The following KCNQ1 variants were observed in gnomAD, a reference collection of about 807,000 sequenced individuals.
KCNQ1 encodes the protein potassium voltage-gated channel subfamily KQT member 1.
Under a neutral mutation model 72.4 loss-of-function variants are expected in KCNQ1, and 49 were observed. The observed-to-expected ratio is 0.68, with a 90% confidence interval of 0.54 to 0.86. The LOEUF (loss-of-function observed/expected upper bound fraction) is 0.86. KCNQ1 is among the 40% of genes least tolerant of loss of function. The probability of loss-of-function intolerance (pLI) is 0.00; values close to 1 mark genes in which losing one functional copy is unlikely to be tolerated. For missense variants in KCNQ1, 790 were observed against 945.1 expected (o/e 0.84, Z 2.15); for synonymous variants, 450 against 412.6 (o/e 1.09, Z -1.10).
rs1848980964 is a variant in KCNQ1, at chr11:2,611,625, T to C, written c.1393+22771T>C. 5.0e-6 allele frequency: 2 copies of C among 398,530 alleles called. No individual in the cohort carries two copies. Among genetic ancestry groups the C allele is most frequent in the African/African-American group, 2.1e-5 (1 of 48,656 alleles). The allele number at this position is 398,530 out of a possible 1,614,324, so 24.7% of individuals were successfully genotyped here. On this transcript the variant is annotated intron_variant, in intron 10 of 15. Coordinates refer to ENST00000155840, the MANE Select transcript of KCNQ1 (RefSeq NM_000218.3). The surrounding 1 kb of genome is among the most constrained non-coding windows in gnomAD (Gnocchi z 5.3). ...CTTTGAATCTAGAATGTGACTCTTATAGACCATATATATTTGGATCCTGCT... is the reference window on the plus strand; with the variant it reads ...CTTTGAATCTAGAATGTGACTCTTACAGACCATATATATTTGGATCCTGCT...
chr11:2,667,271 G>A (rs1232477500), intron 11 of KCNQ1: 1 of 398,506 alleles, frequency 2.5e-6, no homozygotes, highest in Non-Finnish European at 4.4e-6. Context: ...GGCTGGCCTA[G>A]GGCTGCTGCT....
chr11:2,581,407 GC>G (rs1848496254), intron 6 of KCNQ1, among the ~76,000 whole-genome samples: 1 of 152,228 alleles, frequency 6.6e-6, no homozygotes, highest in Non-Finnish European at 1.5e-5. Context: ...GTGCACCTGG[GC>G]CCTCTGGGGA....
At chr11:2,751,994 G>A (rs1256138690) in intron 11 of KCNQ1, among the ~76,000 whole-genome samples, 1 of 152,248 alleles carries the variant, frequency 6.6e-6, no homozygotes, top group Non-Finnish European at 1.5e-5. Context: ...CTCGGTTGCC[G>A]CTGCCACCTT....
intron 11 of KCNQ1, chr11:2,667,461 A>C (rs1051865476): frequency 2.5e-6 from 1 of 398,584 alleles, no homozygotes; most frequent in East Asian, 3.6e-5. Flanking sequence ...AGCCAAGCAG[A>C]TGGTGTTGGA....
At chr11:2,649,638 C>T (rs1425845207) in intron 10 of KCNQ1, 5 of 398,466 alleles carry the variant, frequency 1.3e-5, no homozygotes, top group Non-Finnish European at 2.2e-5. Flanking sequence ...TCAATTCTTT[C>T]CTGGCCTAGA....
rs539398869 is a variant in KCNQ1 at position 2,848,809 on chromosome 11, C to T, written c.*806C>T. Reference sequence around the variant, plus strand: ...ACACAGAAGGGGACTGCCACCTCCCCTTGCCAGCTGCTGAGCCGCAGAGAA... The same window carrying T: ...ACACAGAAGGGGACTGCCACCTCCCTTTGCCAGCTGCTGAGCCGCAGAGAA... On this transcript the variant is annotated 3_prime_UTR_variant, in exon 16 of 16. Coordinates refer to ENST00000155840, the MANE Select transcript of KCNQ1 (RefSeq NM_000218.3). 559 of 454,178 alleles carry T rather than the reference C, an allele frequency of 1.2e-3. 9 individuals are homozygous for T. The highest frequency in any genetic ancestry group is 8.5e-3 in the South Asian group (546 of 64,480). 28.1% of individuals were successfully genotyped at this position (454,178 alleles called of 1,614,324 possible). A position where few individuals can be genotyped will look rare whatever the true frequency, so the allele number is the denominator to read the frequency against.
Position 2,462,380 on chromosome 11 carries a change from C to T in KCNQ1, c.386+16896C>T, listed in dbSNP as rs1846291671. Reference sequence around the variant, plus strand: ...TGACTTGCCTCCTCTCTCTGACGGGCCTGCTCCTGAGCTTGACACCTGCCT... The same window carrying T: ...TGACTTGCCTCCTCTCTCTGACGGGTCTGCTCCTGAGCTTGACACCTGCCT... On this transcript the variant is annotated intron_variant, in intron 1 of 15. Transcript: ENST00000155840. This position sits in a 1 kb window ranked among gnomAD's most constrained non-coding sequence, Gnocchi z 8.2. Among the ~76,000 whole-genome samples, 1 of 152,216 alleles carries T rather than the reference C, an allele frequency of 6.6e-6. No homozygotes were observed. The highest frequency in any genetic ancestry group is 2.4e-5 in the African/African-American group (1 of 41,456).
In KCNQ1 at chr11:2,687,087, T is replaced by C. The variant is rs1590032490; in HGVS notation, c.1514+25006T>C. On this transcript the variant is annotated intron_variant, in intron 11 of 15. Coordinates refer to ENST00000155840, the MANE Select transcript of KCNQ1 (RefSeq NM_000218.3). This position sits in a 1 kb window ranked among gnomAD's most constrained non-coding sequence, Gnocchi z 5.0. ...ACAAAGTGATGCAAGATATCCTGAGTTGGGTGTGACAAGTACACCTTGACA... is the reference window on the plus strand; with the variant it reads ...ACAAAGTGATGCAAGATATCCTGAGCTGGGTGTGACAAGTACACCTTGACA... 1.0e-5 allele frequency: 4 copies of C among 398,576 alleles called. No homozygotes were observed. The East Asian group carries it at 1.4e-4, about 14-fold the overall frequency. The allele number at this position is 398,576 out of a possible 1,614,324, so 24.7% of individuals were successfully genotyped here. A position where few individuals can be genotyped will look rare whatever the true frequency, so the allele number is the denominator to read the frequency against.
At position 2,645,496 on chromosome 11, in the gene KCNQ1, G is replaced by A; in HGVS notation, c.1394-16465G>A. The A allele has an allele frequency of 2.5e-6, 1 of 398,698 alleles. No homozygotes were observed. Among genetic ancestry groups the A allele is most frequent in the Non-Finnish European group, 4.4e-6 (1 of 226,158 alleles). 24.7% of individuals were successfully genotyped at this position (398,698 alleles called of 1,614,324 possible). A position where few individuals can be genotyped will look rare whatever the true frequency, so the allele number is the denominator to read the frequency against. ...TACCCTGCTGAATGCTCATGTTGGG[G>A]CAGCAGCAACTCTATTGCAGCCCTA... On this transcript the variant is annotated intron_variant, in intron 10 of 15. Transcript: ENST00000155840. This position sits in a 1 kb window ranked among gnomAD's most constrained non-coding sequence, Gnocchi z 5.8.
rs752401885 is a variant in KCNQ1 at position 2,613,493 on chromosome 11, G to A, written c.1393+24639G>A. 2.3e-4 allele frequency: 92 copies of A among 398,496 alleles called. 2 individuals carry two copies. In the Admixed American group the frequency reaches 3.5e-3, roughly 15 times the overall value. The allele number at this position is 398,496 out of a possible 1,614,324, so 24.7% of individuals were successfully genotyped here. On this transcript the variant is annotated intron_variant, in intron 10 of 15. Transcript: ENST00000155840. This position sits in a 1 kb window ranked among gnomAD's most constrained non-coding sequence, Gnocchi z 4.8. ...TTTGTTGCTGGTCCTCAAGCCTACC[G>A]TGCCCCTGAGCTTGGGTGGGGAGAT... is the stretch of plus-strand genomic sequence containing the variant.
rs1220867941 is a variant in KCNQ1, at chr11:2,787,799, T to C, written c.1794+9762T>C. ...TAAAATTTACCATTGAAAAAGGAGATTCCCATGCCTAAGTCATTTCAAACA... is the reference window on the plus strand; with the variant it reads ...TAAAATTTACCATTGAAAAAGGAGACTCCCATGCCTAAGTCATTTCAAACA... On this transcript the variant is annotated intron_variant, in intron 15 of 15. Coordinates refer to ENST00000155840, the MANE Select transcript of KCNQ1 (RefSeq NM_000218.3). This position sits in a 1 kb window ranked among gnomAD's most constrained non-coding sequence, Gnocchi z 6.3. 1.3e-5 allele frequency among the ~76,000 whole-genome samples: 2 copies of C among 152,214 alleles called. No homozygotes were observed. The highest frequency in any genetic ancestry group is 4.8e-5 in the African/African-American group (2 of 41,442).
rs1046328073 is a variant in KCNQ1, at chr11:2,645,169, G to A, written c.1394-16792G>A. 2 of 398,592 alleles carry A rather than the reference G, an allele frequency of 5.0e-6. No individual in the cohort carries two copies. The highest frequency in any genetic ancestry group is 8.8e-5 in the Admixed American group (2 of 22,716). The allele number at this position is 398,592 out of a possible 1,614,324, so 24.7% of individuals were successfully genotyped here. Reference sequence around the variant, plus strand: ...ATCTTCTGCCTCCCAAGGTGTCCATGCTGGTATTGGGATGGCTGGGATAAG... The same window carrying A: ...ATCTTCTGCCTCCCAAGGTGTCCATACTGGTATTGGGATGGCTGGGATAAG... On this transcript the variant is annotated intron_variant, in intron 10 of 15. Transcript: ENST00000155840. This position sits in a 1 kb window ranked among gnomAD's most constrained non-coding sequence, Gnocchi z 5.8.
chr11:2,773,139 T>A (rs994446809), intron 12 of KCNQ1, among the ~76,000 whole-genome samples: 3 of 151,878 alleles, frequency 2.0e-5, no homozygotes, highest in African/African-American at 7.3e-5. Context: ...GCGTAGAATC[T>A]CCATCATACA....
chr11:2,526,190 G>A lies in KCNQ1; in HGVS notation c.387-1738G>A, dbSNP rs1358083281. Among the ~76,000 whole-genome samples the A allele has an allele frequency of 2.0e-5, 3 of 152,146 alleles. No homozygotes were observed. The South Asian group carries it at 6.2e-4, about 32-fold the overall frequency. ...TGGGGCCATCGTGGTGTAAATACTG[G>A]GGCACGACATGGAGGGTTCACTGAC... On this transcript the variant is annotated intron_variant, in intron 1 of 15. Coordinates refer to ENST00000155840, the MANE Select transcript of KCNQ1 (RefSeq NM_000218.3). The surrounding 1 kb of genome is among the most constrained non-coding windows in gnomAD (Gnocchi z 6.1).
chr11:2,572,105 G>A lies in KCNQ1; in HGVS notation c.776G>A (p.Arg259His), dbSNP rs199472720. 26 of 1,610,292 alleles carry A rather than the reference G, an allele frequency of 1.6e-5. No homozygotes were observed. The highest frequency in any genetic ancestry group is 2.2e-5 in the East Asian group (1 of 44,842). Residue 259 changes from arginine (R) to histidine (H), a missense_variant, in exon 5 of 16, where the codon CGC becomes CAC. Arg to His is a conservative substitution (Grantham distance 29). Coordinates refer to ENST00000155840, the MANE Select transcript of KCNQ1 (RefSeq NM_000218.3). The part of the protein sequence containing the change: ...RLLGSVVFIH[R>H]QELITTLYIG... ...CTGGGCTCCGTGGTCTTCATCCACC[G>A]CCAGGTGGGTGGCCCGGGTTAGGGG...
rs12361840 is a variant in KCNQ1, at chr11:2,695,364, G to A, written c.1514+33283G>A. On this transcript the variant is annotated intron_variant, in intron 11 of 15. Coordinates refer to ENST00000155840, the MANE Select transcript of KCNQ1 (RefSeq NM_000218.3). This position sits in a 1 kb window ranked among gnomAD's most constrained non-coding sequence, Gnocchi z 5.2. ...TGTGTGCACTCACGAGCACTCCCTA[G>A]TACTGCGTGTCTGGGTGGTGTGTAA... 2.5e-6 allele frequency: 1 copy of A among 398,474 alleles called. No homozygotes were observed. Among genetic ancestry groups the A allele is most frequent in the Non-Finnish European group, 4.4e-6 (1 of 226,064 alleles). The allele number at this position is 398,474 out of a possible 1,614,324, so 24.7% of individuals were successfully genotyped here. A position where few individuals can be genotyped will look rare whatever the true frequency, so the allele number is the denominator to read the frequency against.
chr11:2,649,887 G>A (rs1248842075), intron 10 of KCNQ1: 13 of 398,156 alleles, frequency 3.3e-5, no homozygotes, highest in Non-Finnish European at 5.8e-5. Context: ...TAGATTTTCT[G>A]GTCCTTATCC....
chr11:2,610,716 CTTTTT>C (rs1167505141), intron 10 of KCNQ1: 3,190 of 227,266 alleles, frequency 0.014, no homozygotes, highest in African/African-American at 0.028. Flanking sequence ...TCTTGGTTGG[CTTTTT>C]TTTTTTTTTT....
rs58039093 is a variant in KCNQ1, at chr11:2,749,492, C to T, written c.1515-19352C>T. Among the ~76,000 whole-genome samples, 1,463 of 152,010 alleles carry T rather than the reference C, an allele frequency of 9.6e-3. 68 individuals carry two copies. The East Asian group carries it at 0.14, about 15-fold the overall frequency. On this transcript the variant is annotated intron_variant, in intron 11 of 15. Coordinates refer to ENST00000155840, the MANE Select transcript of KCNQ1 (RefSeq NM_000218.3). ...CCCTTATTCGTACAACGGGAATGAT[C>T]GAGGAGTTAACATGTGTTTAAAAGC... is the stretch of plus-strand genomic sequence containing the variant.
Sources: allele counts gnomAD v4.1 joint callset (sites outside exome capture counted in the v4.1 genomes callset), GRCh38; gene constraint gnomAD v4.1.1; non-coding constraint Gnocchi (gnomAD v3.1); transcripts MANE v1.5; gene names NCBI Gene and HGNC (gene_info 2026-07-23, HGNC 2026-07-21).